The following ERN1 variants were observed in gnomAD, a reference collection of about 807,000 sequenced individuals.
ERN1 encodes endoplasmic reticulum to nucleus signaling 1, also known as serine/threonine-protein kinase/endoribonuclease IRE1.
In ERN1, 39 loss-of-function variants were observed where a neutral mutation model predicts 113.1. The ratio of observed to expected loss-of-function variants is 0.34; its 90% CI spans 0.27 to 0.45. ERN1 has a LOEUF of 0.45. Among genes scored for constraint, ERN1 ranks in the 20% least tolerant of loss-of-function variants. The probability of loss-of-function intolerance (pLI) is 1.00; values close to 1 mark genes in which losing one functional copy is unlikely to be tolerated. For synonymous variants in ERN1, 507 were observed against 515.9 expected (o/e 0.98, Z 0.23); for missense variants, 976 against 1,274.8 (o/e 0.77, Z 3.57).
At chr17:64,060,629 A>G (rs1913025171) in intron 10 of ERN1, 42 bp from the exon 11 acceptor site, 1 of 1,451,754 alleles carries the variant, frequency 6.9e-7, no homozygotes, top group Non-Finnish European at 9.7e-7. Flanking sequence ...CAATTTCCCG[A>G]GCTGTGGTGG....
At chr17:64,076,350 C>A (rs1049818347) in intron 4 of ERN1, among the ~76,000 whole-genome samples, 2 of 152,156 alleles carry the variant, frequency 1.3e-5, no homozygotes, top group African/African-American at 2.4e-5. Context: ...TTGGATTTTC[C>A]CATCATCCCA....
chr17:64,090,470 CTG>C (rs201964652), intron 2 of ERN1, among the ~76,000 whole-genome samples: 5,672 of 152,304 alleles, frequency 0.037, 385 homozygotes, highest in African/African-American at 0.13. Flanking sequence ...ACACTACAGC[CTG>C]TGTCCAAATG....
chr17:64,073,680 A>G (rs1053207957), intron 5 of ERN1, among the ~76,000 whole-genome samples: 1 of 151,376 alleles, frequency 6.6e-6, no homozygotes, highest in Non-Finnish European at 1.5e-5. Context: ...TTTAGTAGAG[A>G]TGGGGTTTCA....
chr17:64,092,786 T>TA (rs1914126234), intron 2 of ERN1, among the ~76,000 whole-genome samples: 1 of 152,166 alleles, frequency 6.6e-6, no homozygotes, highest in Non-Finnish European at 1.5e-5. Context: ...GCCCTGGAAA[T>TA]ACTAAAGAAA....
At chr17:64,101,395 G>A (rs1273573314) in intron 1 of ERN1, among the ~76,000 whole-genome samples, 1 of 152,022 alleles carries the variant, frequency 6.6e-6, no homozygotes, top group African/African-American at 2.4e-5. Flanking sequence ...GGGGGATAGA[G>A]CGAGGCTCTG....
rs569659605 is a variant in ERN1 at position 64,066,680 on chromosome 17, C to T, written c.833G>A (p.Ser278Asn). The T allele has an allele frequency of 3.7e-6, 6 of 1,613,960 alleles. No homozygotes were observed. The South Asian group carries it at 6.6e-5, about 18-fold the overall frequency. ...YPFPKETEAK[S>N]KLTPTLYVGK... Reference sequence around the variant, plus strand: ...CGAGCTCCCAACTCACGTCAGCTTGCTCTTGGCCTCTGTCTCCTTGGGGAA... The same window carrying T: ...CGAGCTCCCAACTCACGTCAGCTTGTTCTTGGCCTCTGTCTCCTTGGGGAA... Residue 278 changes from serine (S) to asparagine (N), a missense_variant, in exon 8 of 22, where the codon AGC (serine) becomes AAC (asparagine). By Grantham distance (46) the Ser-to-Asn change is conservative. Coordinates refer to ENST00000433197, the MANE Select transcript of ERN1 (RefSeq NM_001433.5).
chr17:64,063,112 C>A lies in ERN1; in HGVS notation c.1087+874G>T, dbSNP rs1913104202. Among the ~76,000 whole-genome samples, 1 of 152,342 alleles carries A rather than the reference C, an allele frequency of 6.6e-6. No individual in the cohort carries two copies. The highest frequency in any genetic ancestry group is 1.9e-4 in the East Asian group (1 of 5,192). ...CCCTAGTACCTGTCACCAGCAAGCA[C>A]GACAGGAAGAGAACAGAGAGAAGAA... On this transcript the variant is annotated intron_variant, in intron 10 of 21. Transcript: ENST00000433197. The surrounding 1 kb of genome is among the most constrained non-coding windows in gnomAD (Gnocchi z 5.1).
chr17:64,044,700 G>A lies in ERN1; in HGVS notation c.2721+160C>T, dbSNP rs1912457769. On this transcript the variant is annotated intron_variant, in intron 21 of 21. Transcript: ENST00000433197. This position sits in a 1 kb window ranked among gnomAD's most constrained non-coding sequence, Gnocchi z 4.1. ...CTGAAGGGAAAATCAGCGTAAGAGA[G>A]GCAACAGCCTGCAGTTTGCCAAGTC... Among the ~76,000 whole-genome samples the A allele has an allele frequency of 6.6e-6, 1 of 152,196 alleles. No individual in the cohort carries two copies. The highest frequency in any genetic ancestry group is 1.9e-4 in the East Asian group (1 of 5,200).
chr17:64,123,775 T>C lies in ERN1; in HGVS notation c.54+6201A>G, dbSNP rs549819918. Among the ~76,000 whole-genome samples the C allele has an allele frequency of 8.0e-4, 122 of 152,194 alleles. 2 individuals are homozygous for C. Among genetic ancestry groups the C allele is most frequent in the Non-Finnish European group, 8.1e-4 (55 of 68,014 alleles). On this transcript the variant is annotated intron_variant, in intron 1 of 21. Transcript: ENST00000433197. ...TATAATGAAAATAAAAACATATCTG[T>C]GTAGTGAAAAAATAAAAAAAAATAA...
chr17:64,126,023 G>T (rs899459387), intron 1 of ERN1, among the ~76,000 whole-genome samples: 2 of 152,074 alleles, frequency 1.3e-5, no homozygotes, highest in Non-Finnish European at 2.9e-5. Flanking sequence ...CAGCTGTGTT[G>T]CTCTAAGGCA....
chr17:64,098,451 C>A, intron 1 of ERN1: 1 of 742,462 alleles, frequency 1.3e-6, no homozygotes, highest in Non-Finnish European at 2.5e-6. Flanking sequence ...TGCAGACAGG[C>A]AGGCTCATGA....
Position 64,066,822 on chromosome 17 carries a change from C to T in ERN1, c.691G>A (p.Val231Ile). The change falls in exon 8 of 22, where the codon GTC (valine) becomes ATC (isoleucine). Residue 231 changes from valine (V) to isoleucine (I), a missense_variant. This residue lies in a region of ERN1 where 459 missense variants were observed against 581.2 expected (regional missense o/e 0.79). Transcript: ENST00000433197. ...TTCCTCAGACCCTCCCGCTGCCAGACATAAAAGGCCACCACAGGGGAGGCG... is the reference window on the plus strand; with the variant it reads ...TTCCTCAGACCCTCCCGCTGCCAGATATAAAAGGCCACCACAGGGGAGGCG... ...NYASPVVAFYVWQREGLRKVM... is the reference protein window; with the variant it reads ...NYASPVVAFYIWQREGLRKVM... The T allele has an allele frequency of 1.2e-6, 2 of 1,613,980 alleles. No homozygotes were observed. The highest frequency in any genetic ancestry group is 1.7e-6 in the Non-Finnish European group (2 of 1,179,882).
intron 2 of ERN1, chr17:64,097,814 G>A (rs968991815): frequency 1.9e-5 from 5 of 259,312 alleles, no homozygotes; most frequent in Non-Finnish European, 3.0e-5. Context: ...AGTGCAGCAT[G>A]TCTTCATAAA....
intron 5 of ERN1, 55 bp from the exon 6 acceptor site, chr17:64,072,158 T>G (rs1913441751): frequency 6.3e-7 from 1 of 1,595,784 alleles, no homozygotes; most frequent in South Asian, 1.1e-5. Context: ...AAAGTATCGC[T>G]GCCAAACTAG....
At chr17:64,091,504 T>A (rs1300437691) in intron 2 of ERN1, among the ~76,000 whole-genome samples, 1 of 151,898 alleles carries the variant, frequency 6.6e-6, no homozygotes, top group Admixed American at 6.6e-5. Flanking sequence ...AGAACAAAAA[T>A]TTACAACACA....
chr17:64,105,446 A>G (rs534528957), intron 1 of ERN1, among the ~76,000 whole-genome samples: 1 of 152,330 alleles, frequency 6.6e-6, no homozygotes, highest in Non-Finnish European at 1.5e-5. Flanking sequence ...CTTTTCTATG[A>G]ATCTTCTTCC....
intron 1 of ERN1, 49 bp downstream of exon 1, chr17:64,129,927 A>G: frequency 7.3e-7 from 1 of 1,376,346 alleles, no homozygotes; most frequent in South Asian, 1.6e-5. Flanking sequence ...CCCGGCCCCG[A>G]CCCGGCCGTC....
intron 15 of ERN1, 80 bp from the exon 16 acceptor site, chr17:64,053,451 T>C (rs904478409): frequency 1.0e-6 from 1 of 984,102 alleles, no homozygotes; most frequent in African/African-American, 1.7e-5. Flanking sequence ...TGATACCATT[T>C]TAAGAAAGAA....
chr17:64,071,909 A>T (rs1256805496), intron 6 of ERN1, 72 bp downstream of exon 6: 2 of 1,524,544 alleles, frequency 1.3e-6, no homozygotes, highest in African/African-American at 1.4e-5. Context: ...CCTTCTAGGG[A>T]AGGAGGCTGG....
Sources: allele counts gnomAD v4.1 joint callset (sites outside exome capture counted in the v4.1 genomes callset), GRCh38; gene constraint gnomAD v4.1.1; regional missense constraint gnomAD v4.1.1; non-coding constraint Gnocchi (gnomAD v3.1); transcripts MANE v1.5; gene names NCBI Gene and HGNC (gene_info 2026-07-23, HGNC 2026-07-21).